PRP4K: variants seen among roughly 807,000 people sequenced by gnomAD.
The protein encoded by PRP4K is serine/threonine-protein kinase PRP4 homolog.
chr6:4,051,397 C>A, the PRP4K span, among the ~76,000 whole-genome samples: 2 of 151,854 alleles, frequency 1.3e-5, no homozygotes, highest in Non-Finnish European at 2.9e-5. Context: ...CAACTGCAAA[C>A]CCTCCGTCTC....
the PRP4K span, chr6:4,056,988 G>A: frequency 2.6e-5 from 38 of 1,467,942 alleles, no homozygotes; most frequent in African/African-American, 1.9e-4. Context: ...ATTAATAGTC[G>A]TCAGTTTTCT....
At chr6:4,050,867 C>T in the PRP4K span, among the ~76,000 whole-genome samples, 6 of 152,096 alleles carry the variant, frequency 3.9e-5, no homozygotes, top group Non-Finnish European at 7.4e-5. Context: ...TTTGATAAGG[C>T]ATCCATTACT....
chr6:4,050,772 A>C, the PRP4K span, among the ~76,000 whole-genome samples: 2 of 152,216 alleles, frequency 1.3e-5, no homozygotes, highest in Non-Finnish European at 2.9e-5. Context: ...GGGAAGCCCC[A>C]ACTTCTGTAT....
At chr6:4,056,393 A>G in the PRP4K span, 1 of 1,614,132 alleles carries the variant, frequency 6.2e-7, no homozygotes. Flanking sequence ...TAATGACATA[A>G]CACCTTATCT....
chr6:4,021,345 T>G, the PRP4K span: 1 of 1,543,204 alleles, frequency 6.5e-7, no homozygotes, highest in East Asian at 2.4e-5. Context: ...GCGGCAGCTC[T>G]TTTCCTTCTT....
At chr6:4,043,219 C>T in the PRP4K span, among the ~76,000 whole-genome samples, 15 of 152,312 alleles carry the variant, frequency 9.8e-5, no homozygotes, top group African/African-American at 3.4e-4. Flanking sequence ...GAGTGAAGGA[C>T]AGAACTTGCA....
chr6:4,060,745 T>A, the PRP4K span: 1 of 830,130 alleles, frequency 1.2e-6, no homozygotes, highest in Non-Finnish European at 1.9e-6. This position sits in a 1 kb window ranked among gnomAD's most constrained non-coding sequence, Gnocchi z 4.7. Flanking sequence ...ATATTTGAAT[T>A]AACACCAAGG....
At chr6:4,027,592 CGGAGGGGT>C in the PRP4K span, among the ~76,000 whole-genome samples, 1 of 7,916 alleles carries the variant, frequency 1.3e-4, no homozygotes, top group South Asian at 3.5e-3. Flanking sequence ...GCTTATTTGG[CGGAGGGGT>C]GGGGGGGTGG....
chr6:4,031,452 T>A, the PRP4K span: 1 of 868,226 alleles, frequency 1.2e-6, no homozygotes, highest in Non-Finnish European at 1.7e-6. Flanking sequence ...AGTGACTGAC[T>A]TCATGTATTA....
the PRP4K span, among the ~76,000 whole-genome samples, chr6:4,023,530 A>T: frequency 6.6e-6 from 1 of 152,194 alleles, no homozygotes; most frequent in Non-Finnish European, 1.5e-5. Flanking sequence ...TTGCTTGTCA[A>T]GTATGAAATT....
the PRP4K span, among the ~76,000 whole-genome samples, chr6:4,029,569 T>C: frequency 6.6e-6 from 1 of 152,102 alleles, no homozygotes; most frequent in South Asian, 2.1e-4. Flanking sequence ...CCCAGGCTTG[T>C]CTCGAACTCC....
the PRP4K span, chr6:4,042,408 A>G: frequency 1.2e-5 from 14 of 1,132,444 alleles, no homozygotes; most frequent in Non-Finnish European, 1.7e-5. Flanking sequence ...TGATACCTAC[A>G]TTTTCCTGCC....
chr6:4,043,932 T>G, the PRP4K span: 2 of 1,614,154 alleles, frequency 1.2e-6, no homozygotes, highest in Non-Finnish European at 1.7e-6. Flanking sequence ...GAGTAGCTGC[T>G]GATGTTAAAG....
chr6:4,037,434 A>G, the PRP4K span: 1 of 1,613,988 alleles, frequency 6.2e-7, no homozygotes, highest in Non-Finnish European at 8.5e-7. Flanking sequence ...TAGACGTGAA[A>G]GATCAAAAGA....
the PRP4K span, among the ~76,000 whole-genome samples, chr6:4,056,004 A>T: frequency 6.6e-6 from 1 of 152,184 alleles, no homozygotes; most frequent in African/African-American, 2.4e-5. Context: ...TTTTTAGAAG[A>T]TGCTTTGCTT....
At chr6:4,021,869 C>T in the PRP4K span, among the ~76,000 whole-genome samples, 4 of 152,218 alleles carry the variant, frequency 2.6e-5, no homozygotes, top group South Asian at 2.1e-4. Context: ...AGCAGGCGGG[C>T]CAAGCCCTAA....
At chr6:4,035,230 C>T in the PRP4K span, among the ~76,000 whole-genome samples, 12 of 149,264 alleles carry the variant, frequency 8.0e-5, no homozygotes, top group Admixed American at 1.3e-4. Context: ...AATTCTCCTG[C>T]CTCAGCTTCC....
At chr6:4,030,144 T>C in the PRP4K span, among the ~76,000 whole-genome samples, 1 of 152,178 alleles carries the variant, frequency 6.6e-6, no homozygotes, top group Non-Finnish European at 1.5e-5. Context: ...GGTTTCCCCA[T>C]GTTAGTCAGG....
the PRP4K span, among the ~76,000 whole-genome samples, chr6:4,044,717 C>T: frequency 6.6e-6 from 1 of 152,040 alleles, no homozygotes; most frequent in African/African-American, 2.4e-5. Flanking sequence ...GAACAGGAAC[C>T]AGCAAACTTT....
Sources: gnomAD v4.1 joint callset for allele counts (sites outside exome capture counted in the v4.1 genomes callset) on GRCh38, gnomAD v4.1.1 for gene constraint, Gnocchi (gnomAD v3.1) non-coding constraint, MANE v1.5 for transcripts, NCBI Gene and HGNC (gene_info 2026-07-23, HGNC 2026-07-21) for gene names.